HIPK2: variants seen among roughly 807,000 people sequenced by gnomAD.
HIPK2 encodes the protein homeodomain-interacting protein kinase 2.
In HIPK2, 27 loss-of-function variants were observed where a neutral mutation model predicts 113.7. That is an observed-to-expected ratio of 0.24 (90% CI 0.17 to 0.33). The LOEUF (loss-of-function observed/expected upper bound fraction) is 0.33. Among genes scored for constraint, HIPK2 ranks in the 10% least tolerant of loss-of-function variants. HIPK2 has a pLI of 1.00. For synonymous variants in HIPK2, 631 were observed against 642.2 expected, an observed-to-expected ratio of 0.98 and a Z score of 0.26; for missense variants, 1,257 against 1,588.0, an observed-to-expected ratio of 0.79 and a Z score of 3.54.
intron 1 of HIPK2, among the ~76,000 whole-genome samples, chr7:139,758,534 C>G (rs893292949): frequency 1.3e-5 from 2 of 152,148 alleles, no homozygotes; most frequent in African/African-American, 2.4e-5. Flanking sequence ...TGTTAGGAAC[C>G]AGGCCACACA....
chr7:139,710,290 G>A (rs571205233), intron 2 of HIPK2, among the ~76,000 whole-genome samples: 10 of 152,254 alleles, frequency 6.6e-5, no homozygotes, highest in Admixed American at 3.9e-4. Context: ...TGTCTAAGGA[G>A]TCACCATCAT....
At chr7:139,594,034 C>T (rs1425095304) in intron 12 of HIPK2, among the ~76,000 whole-genome samples, 1 of 152,112 alleles carries the variant, frequency 6.6e-6, no homozygotes, top group African/African-American at 2.4e-5. Flanking sequence ...CCTGAAGCCC[C>T]TTTTGGATAA....
At chr7:139,620,211 A>T (rs1045931242) in intron 7 of HIPK2, among the ~76,000 whole-genome samples, 190 bp downstream of exon 7, 1 of 152,212 alleles carries the variant, frequency 6.6e-6, no homozygotes, top group Non-Finnish European at 1.5e-5. Context: ...GGACCTGTCA[A>T]TGGGGCCAGA....
At chr7:139,703,590 G>A (rs1226214202) in intron 2 of HIPK2, among the ~76,000 whole-genome samples, 1 of 151,868 alleles carries the variant, frequency 6.6e-6, no homozygotes, top group Non-Finnish European at 1.5e-5. Flanking sequence ...ATGAGAATTA[G>A]GACGAGGAAG....
rs1267890420 is a variant in HIPK2 at position 139,562,136 on chromosome 7, AAG to A, written c.*10789_*10790del. 1.3e-5 allele frequency: 2 copies of A among 152,368 alleles called. No homozygotes were observed. The highest frequency in any genetic ancestry group is 4.8e-5 in the African/African-American group (2 of 41,588). 9.4% of individuals were successfully genotyped at this position (152,368 alleles called of 1,614,324 possible). On this transcript the variant is annotated 3_prime_UTR_variant, in exon 15 of 15. Transcript: ENST00000406875. Reference sequence around the variant, plus strand: ...CAAAAGTAGACATTTATAAATAAAAAAGAGGGACAATTCACATAGGAAAAAGA... The same window carrying A: ...CAAAAGTAGACATTTATAAATAAAAAAGGGACAATTCACATAGGAAAAAGA...
chr7:139,773,761 G>C (rs1168488840), intron 1 of HIPK2, among the ~76,000 whole-genome samples: 1 of 152,210 alleles, frequency 6.6e-6, no homozygotes, highest in Non-Finnish European at 1.5e-5. Context: ...TGGTGGGCGA[G>C]GAGCCTCCCC....
At chr7:139,771,662 A>G (rs1012171394) in intron 1 of HIPK2, among the ~76,000 whole-genome samples, 27 of 152,164 alleles carry the variant, frequency 1.8e-4, no homozygotes, top group Admixed American at 1.8e-3. Context: ...AGAACCCTGA[A>G]GTCGTTTTTC....
chr7:139,603,383 C>T (rs1182673555), intron 10 of HIPK2, among the ~76,000 whole-genome samples: 3 of 152,074 alleles, frequency 2.0e-5, no homozygotes, highest in African/African-American at 4.8e-5. Context: ...ACAAGGGTAT[C>T]TAGCCATAAA....
chr7:139,572,979 T>A lies in HIPK2; in HGVS notation c.3545A>T (p.Tyr1182Phe). 1 of 1,536,526 alleles carries A rather than the reference T, an allele frequency of 6.5e-7. No homozygotes were observed. Among genetic ancestry groups the A allele is most frequent in the Non-Finnish European group, 8.8e-7 (1 of 1,134,202 alleles). Residue 1182 changes from tyrosine to phenylalanine, a missense_variant, in exon 15 of 15, where the codon TAC becomes TTC. By Grantham distance (22) the Tyr-to-Phe change is conservative. Coordinates refer to ENST00000406875, the MANE Select transcript of HIPK2 (RefSeq NM_022740.5). ...YISASPASTV[Y>F]TGYPLSPAKV... is the part of the protein sequence containing the mutation. ...GGCGGGGCTCAGTGGGTATCCAGTG[T>A]AGACGGTGGAGGCTGGCGAGGCGCT...
At chr7:139,724,595 T>C (rs1795514152) in intron 1 of HIPK2, among the ~76,000 whole-genome samples, 1 of 151,926 alleles carries the variant, frequency 6.6e-6, no homozygotes, top group South Asian at 2.1e-4. Flanking sequence ...GTTAGTTACA[T>C]ATGTATACAT....
chr7:139,684,363 T>C (rs558329976), intron 2 of HIPK2, among the ~76,000 whole-genome samples: 2 of 152,216 alleles, frequency 1.3e-5, no homozygotes, highest in Non-Finnish European at 2.9e-5. Flanking sequence ...AAGAGTTGCA[T>C]GTCTCTCATT....
Position 139,614,423 on chromosome 7 carries a change from G to A in HIPK2, c.1853C>T (p.Thr618Ile). Residue 618 changes from threonine to isoleucine, a missense_variant, in exon 8 of 15, where the codon ACA (threonine) becomes ATA (isoleucine). Coordinates refer to ENST00000406875, the MANE Select transcript of HIPK2 (RefSeq NM_022740.5). ...PEVSILNYPS[T>I]LYQPSAASMA... ...GGATGCCGCTGAGGGCTGGTAGAGT[G>A]TAGATGGGTAGTTTAGTATGGAGAC... The A allele has an allele frequency of 1.3e-6, 2 of 1,554,936 alleles. No homozygotes were observed. The highest frequency in any genetic ancestry group is 1.7e-6 in the Non-Finnish European group (2 of 1,144,996).
chr7:139,773,376 C>A (rs1275653924), intron 1 of HIPK2, among the ~76,000 whole-genome samples: 1 of 152,160 alleles, frequency 6.6e-6, no homozygotes, highest in African/African-American at 2.4e-5. Flanking sequence ...GAGTTTGGGC[C>A]TTTCAAGTTC....
At chr7:139,662,057 C>T (rs1801884993) in intron 2 of HIPK2, among the ~76,000 whole-genome samples, 1 of 152,208 alleles carries the variant, frequency 6.6e-6, no homozygotes, top group African/African-American at 2.4e-5. Flanking sequence ...CTGAGATCTT[C>T]TTTATTCTTC....
In HIPK2 at chr7:139,644,576, C is replaced by G. The variant is rs371549132; in HGVS notation, c.1104-12851G>C. Among the ~76,000 whole-genome samples the G allele has an allele frequency of 5.3e-5, 8 of 152,378 alleles. No homozygotes were observed. In the East Asian group the frequency reaches 7.7e-4, roughly 15 times the overall value. On this transcript the variant is annotated intron_variant, in intron 2 of 14. Transcript: ENST00000406875. ...GCCATTCTTTTATGATGGTCCTCAT[C>G]ATGGATCCTTTTGTTGACTGTTTTT...
chr7:139,697,933 G>A (rs1470196693), intron 2 of HIPK2, among the ~76,000 whole-genome samples: 2 of 148,222 alleles, frequency 1.3e-5, no homozygotes, highest in Non-Finnish European at 2.9e-5. Flanking sequence ...GCATTGGCAC[G>A]ATCTTGGCTC....
At chr7:139,595,587 G>A (rs78257794) in intron 12 of HIPK2, among the ~76,000 whole-genome samples, 4,468 of 152,158 alleles carry the variant, frequency 0.029, 76 homozygotes, top group Middle Eastern at 0.054. Context: ...TGACAATTAG[G>A]CTGTACCTAA....
At chr7:139,701,075 C>T (rs893570305) in intron 2 of HIPK2, among the ~76,000 whole-genome samples, 1 of 152,218 alleles carries the variant, frequency 6.6e-6, no homozygotes, top group Non-Finnish European at 1.5e-5. Flanking sequence ...CTGGGACCTG[C>T]ATGGCGTCCT....
chr7:139,588,960 C>T (rs1798928562), intron 12 of HIPK2, among the ~76,000 whole-genome samples: 1 of 152,196 alleles, frequency 6.6e-6, no homozygotes, highest in East Asian at 1.9e-4. Context: ...TCGGGCACAG[C>T]TACTCCTGAA....
Sources: gnomAD v4.1 joint callset for allele counts (sites outside exome capture counted in the v4.1 genomes callset) on GRCh38, gnomAD v4.1.1 for gene constraint, MANE v1.5 for transcripts, NCBI Gene and HGNC (gene_info 2026-07-23, HGNC 2026-07-21) for gene names.